KCTD16: variants seen among roughly 807,000 people sequenced by gnomAD.
KCTD16 encodes BTB/POZ domain-containing protein KCTD16.
A neutral mutation model predicts 33.2 loss-of-function variants in KCTD16; 13 were observed. The observed-to-expected ratio is 0.39, with a 90% CI of 0.25 to 0.62. KCTD16 has a LOEUF of 0.62. Ranked by LOEUF, KCTD16 falls within the 20% of genes least tolerant of loss-of-function variation. KCTD16 has a pLI of 0.50. For missense variants in KCTD16, 441 were observed against 525.1 expected (o/e 0.84, Z 1.57); for synonymous variants, 197 against 195.3 (o/e 1.01, Z -0.07).
At chr5:144,372,381 T>C (rs1381657095) in intron 3 of KCTD16, among the ~76,000 whole-genome samples, 1 of 152,198 alleles carries the variant, frequency 6.6e-6, no homozygotes, top group African/African-American at 2.4e-5. Flanking sequence ...ATTAATTGCC[T>C]ATTTATGCCA....
At chr5:144,350,063 A>G (rs29905) in intron 3 of KCTD16, among the ~76,000 whole-genome samples, 38,195 of 152,086 alleles carry the variant, frequency 0.25, 4,962 homozygotes, top group Non-Finnish European at 0.28. Flanking sequence ...TTAAGACAGA[A>G]ATTGGACTCC....
rs184994766 is a variant in KCTD16, at chr5:144,314,783, T to C, written c.832+107237T>C. 2.1e-4 allele frequency among the ~76,000 whole-genome samples: 32 copies of C among 152,330 alleles called. No homozygotes were observed. In the East Asian group the frequency reaches 5.8e-3, roughly 28 times the overall value. On this transcript the variant is annotated intron_variant, in intron 3 of 3. Coordinates refer to ENST00000512467, the MANE Select transcript of KCTD16 (RefSeq NM_020768.4). The stretch of plus-strand genomic sequence containing the variant: ...ATGCATGTAAAGAAGTGCACACGCA[T>C]ACACGAAATGGAAAACAAGACAGTA...
intron 3 of KCTD16, among the ~76,000 whole-genome samples, chr5:144,256,751 C>T (rs1432426075): frequency 6.6e-6 from 1 of 151,100 alleles, no homozygotes; most frequent in African/African-American, 2.5e-5. Flanking sequence ...AGTTTGGGAG[C>T]CATTCATCAT....
At chr5:144,298,815 C>T (rs1299808558) in intron 3 of KCTD16, among the ~76,000 whole-genome samples, 1 of 151,638 alleles carries the variant, frequency 6.6e-6, no homozygotes. Flanking sequence ...CAACTTCTTT[C>T]CATTCCACTT....
At chr5:144,186,352 TA>T (rs1186247606) in intron 2 of KCTD16, among the ~76,000 whole-genome samples, 82 of 24,590 alleles carry the variant, frequency 3.3e-3, no homozygotes, top group African/African-American at 0.017. Flanking sequence ...TCATTTTTTT[TA>T]AAAAAAAAAA....
intron 2 of KCTD16, among the ~76,000 whole-genome samples, chr5:144,194,306 A>G (rs984175233): frequency 3.9e-5 from 6 of 152,210 alleles, no homozygotes; most frequent in Middle Eastern, 3.2e-3. Flanking sequence ...TCAAGTAGAA[A>G]ATGTGTTATC....
chr5:144,239,192 C>T (rs912230475), intron 3 of KCTD16, among the ~76,000 whole-genome samples: 1 of 152,088 alleles, frequency 6.6e-6, no homozygotes, highest in Admixed American at 6.6e-5. Flanking sequence ...AAGCAATAAA[C>T]TTAAAAGCCC....
chr5:144,293,261 T>A (rs1023972577), intron 3 of KCTD16, among the ~76,000 whole-genome samples: 1 of 152,190 alleles, frequency 6.6e-6, no homozygotes, highest in African/African-American at 2.4e-5. Context: ...TCTTTGAAAT[T>A]TTTAAAAACT....
chr5:144,241,371 A>G (rs1754399926), intron 3 of KCTD16, among the ~76,000 whole-genome samples: 1 of 152,178 alleles, frequency 6.6e-6, no homozygotes, highest in South Asian at 2.1e-4. Flanking sequence ...ATGTTTGGGA[A>G]TAATAAAACA....
intron 3 of KCTD16, among the ~76,000 whole-genome samples, chr5:144,217,314 T>C (rs540390123): frequency 6.6e-6 from 1 of 152,342 alleles, no homozygotes; most frequent in East Asian, 1.9e-4. Flanking sequence ...ACTAATTTTC[T>C]TTCTAGTCAA....
chr5:144,345,593 C>A (rs1455468202), intron 3 of KCTD16, among the ~76,000 whole-genome samples: 5 of 152,230 alleles, frequency 3.3e-5, no homozygotes, highest in African/African-American at 4.8e-5. Flanking sequence ...CCTATCTATG[C>A]CATGCACTCT....
intron 3 of KCTD16, among the ~76,000 whole-genome samples, chr5:144,253,689 C>T (rs1216368231): frequency 6.6e-6 from 1 of 151,890 alleles, no homozygotes; most frequent in African/African-American, 2.4e-5. Context: ...AGATGTTTTA[C>T]CTGTTTAGTG....
chr5:144,396,450 T>C (rs1580929830), intron 3 of KCTD16, among the ~76,000 whole-genome samples: 2 of 152,314 alleles, frequency 1.3e-5, no homozygotes, highest in African/African-American at 4.8e-5. Context: ...CAAGGACATT[T>C]GCGTTTATAT....
chr5:144,413,165 G>T (rs990768212), intron 3 of KCTD16, among the ~76,000 whole-genome samples: 6 of 152,088 alleles, frequency 3.9e-5, no homozygotes, highest in Non-Finnish European at 5.9e-5. Context: ...TTTCAAAAAG[G>T]TCATTAGGTT....
chr5:144,424,849 C>T (rs1753288575), intron 3 of KCTD16, among the ~76,000 whole-genome samples: 1 of 152,142 alleles, frequency 6.6e-6, no homozygotes, highest in African/African-American at 2.4e-5. Context: ...GATCCCACCT[C>T]TTAATATAGT....
At chr5:144,309,058 C>G (rs570659267) in intron 3 of KCTD16, among the ~76,000 whole-genome samples, 38 of 152,246 alleles carry the variant, frequency 2.5e-4, no homozygotes, top group South Asian at 2.5e-3. Flanking sequence ...TAATTGGATC[C>G]TAATGCTCAC....
chr5:144,357,106 T>A (rs540128406), intron 3 of KCTD16, among the ~76,000 whole-genome samples: 115 of 93,764 alleles, frequency 1.2e-3, no homozygotes, highest in African/African-American at 3.5e-3. Context: ...GAGTTACTCT[T>A]ATAGGTTACA....
intron 3 of KCTD16, among the ~76,000 whole-genome samples, chr5:144,258,876 T>A (rs1252289989): frequency 2.0e-5 from 3 of 152,052 alleles, no homozygotes; most frequent in Non-Finnish European, 2.9e-5. Flanking sequence ...TCTCAGTAAG[T>A]GGTGGAAGTG....
chr5:144,176,970 A>G (rs1752523992), intron 2 of KCTD16, among the ~76,000 whole-genome samples: 1 of 152,140 alleles, frequency 6.6e-6, no homozygotes. Flanking sequence ...CATACTTTGT[A>G]AATGTTTTCT....
Sources: allele counts gnomAD v4.1 joint callset (sites outside exome capture counted in the v4.1 genomes callset), GRCh38; gene constraint gnomAD v4.1.1; transcripts MANE v1.5; gene names NCBI Gene and HGNC (gene_info 2026-07-23, HGNC 2026-07-21).